Variants in PER1 observed in about 807,000 individuals in gnomAD.
PER1 encodes period circadian regulator 1, also known as period circadian protein homolog 1.
PER1 carries 87 observed loss-of-function variants against 125.9 expected under a neutral mutation model. That is an observed-to-expected ratio of 0.69 (90% CI 0.58 to 0.83). The LOEUF (loss-of-function observed/expected upper bound fraction) is 0.83, where lower values mean the gene tolerates loss of function less well. PER1 is among the 40% of genes least tolerant of loss of function. The pLI, the probability that PER1 is intolerant of heterozygous loss-of-function variation, is 0.00. For synonymous variants in PER1, 801 were observed against 714.7 expected, an observed-to-expected ratio of 1.12 and a Z score of -1.93; for missense variants, 1,775 against 1,722.8, an observed-to-expected ratio of 1.03 and a Z score of -0.54.
chr17:8,142,149 G>C, intron 21 of PER1, 120 bp downstream of exon 21: 1 of 1,115,714 alleles, frequency 9.0e-7, no homozygotes, highest in East Asian at 2.5e-5. Context: ...AGGGCTCCAA[G>C]GAGCAGGAAG....
intron 16 of PER1, 31 bp downstream of exon 16, chr17:8,146,331 CCAGGACGGGG>C: frequency 6.4e-7 from 1 of 1,567,698 alleles, no homozygotes; most frequent in Non-Finnish European, 8.7e-7. Flanking sequence ...GGCCACCAGG[CCAGGACGGGG>C]CAGTGGGAGC....
intron 17 of PER1, among the ~76,000 whole-genome samples, chr17:8,145,745 C>A (rs1012250313): frequency 6.6e-6 from 1 of 152,210 alleles, no homozygotes; most frequent in South Asian, 2.1e-4. Flanking sequence ...TGTGTTTCAA[C>A]TGACAGTAAC....
chr17:8,145,317 C>A, intron 17 of PER1: 1 of 167,738 alleles, frequency 6.0e-6, no homozygotes, highest in Non-Finnish European at 1.2e-5. Flanking sequence ...CACACATTTT[C>A]TTGTTTCTTT....
At position 8,149,313 on chromosome 17, in the gene PER1, G is replaced by A. The variant is rs773392681; in HGVS notation, c.854-3C>T. On this transcript the variant is annotated splice_region_variant and splice_polypyrimidine_tract_variant and intron_variant, in intron 6 of 22. Transcript: ENST00000317276. ...GGTAAAGTCCCTGAGGCCTGAACCT[G>A]GGACAGACAGGAGAGGAGTGAGCAC... 17 of 1,613,846 alleles carry A rather than the reference G, an allele frequency of 1.1e-5. No individual in the cohort carries two copies. The highest frequency in any genetic ancestry group is 1.4e-5 in the Non-Finnish European group (17 of 1,179,888).
chr17:8,144,587 G>C (rs1196756198), intron 18 of PER1, 164 bp downstream of exon 18: 1 of 908,748 alleles, frequency 1.1e-6, no homozygotes, highest in Non-Finnish European at 1.6e-6. Context: ...CCCCATCCTA[G>C]TGGGGAGAAG....
intron 15 of PER1, 32 bp downstream of exon 15, chr17:8,146,562 C>A: frequency 6.2e-7 from 1 of 1,601,764 alleles, no homozygotes; most frequent in South Asian, 1.1e-5. Flanking sequence ...GGGTTAGAGC[C>A]CGAGGTGGAG....
rs1261411398 is a variant in PER1, at chr17:8,141,347, G to T, written c.3601-7C>A. ...TCCCACAGTCCACACAGGCCTTGGT[G>T]AGAGAAATGGACATGAGAGAGTCAG... On this transcript the variant is annotated splice_region_variant and splice_polypyrimidine_tract_variant and intron_variant, in intron 22 of 22. Coordinates refer to ENST00000317276, the MANE Select transcript of PER1 (RefSeq NM_002616.3). The T allele has an allele frequency of 2.5e-6, 4 of 1,595,284 alleles. No individual in the cohort carries two copies. The African/African-American group carries it at 5.4e-5, about 21-fold the overall frequency.
chr17:8,147,066 C>T, intron 13 of PER1, 64 bp from the exon 14 acceptor site: 1 of 1,458,448 alleles, frequency 6.9e-7, no homozygotes, highest in South Asian at 1.2e-5. Flanking sequence ...GGGCCAAGGG[C>T]ACAATAAAAC....
rs372671656 is a variant in PER1 at position 8,150,008 on chromosome 17, C to T, written c.492G>A (p.Thr164=). 156 of 1,614,064 alleles carry T rather than the reference C, an allele frequency of 9.7e-5. No individual in the cohort carries two copies. Among genetic ancestry groups the T allele is most frequent in the Middle Eastern group, 4.9e-4 (3 of 6,084 alleles). ...RGKGRSGTLA[T]LQYALACVKQ... The stretch of plus-strand genomic sequence containing the variant: ...TGACACAGGCCAGTGCGTACTGCAG[C>T]GTGGCCAGGGTCCCAGAGCGGCCCT... The change falls in exon 4 of 23, where the codon ACG becomes ACA. Residue 164 remains threonine, a synonymous_variant. Coordinates refer to ENST00000317276, the MANE Select transcript of PER1 (RefSeq NM_002616.3).
At chr17:8,151,325 C>T (rs1982849674) in intron 1 of PER1, among the ~76,000 whole-genome samples, 1 of 152,246 alleles carries the variant, frequency 6.6e-6, no homozygotes, top group Admixed American at 6.5e-5. Context: ...GGGAAACCGA[C>T]GTCAGCTGCT....
chr17:8,143,199 G>C, intron 19 of PER1, 67 bp downstream of exon 19: 1 of 1,133,772 alleles, frequency 8.8e-7, no homozygotes, highest in Non-Finnish European at 1.2e-6. Context: ...ACAGCAGGCA[G>C]CACAGGGTGG....
rs1483853353 is a variant in PER1, at chr17:8,150,811, C to T, written c.-105G>A. ...AGGGAGTGAGGTGGAAGATCTAAGT[C>T]TCTGAGGGTTGAGAAGTTCGATCAC... is the stretch of plus-strand genomic sequence containing the variant. On this transcript the variant is annotated 5_prime_UTR_variant, in exon 2 of 23. Coordinates refer to ENST00000317276, the MANE Select transcript of PER1 (RefSeq NM_002616.3). 2.7e-6 allele frequency: 3 copies of T among 1,113,650 alleles called. No individual in the cohort carries two copies. Among genetic ancestry groups the T allele is most frequent in the East Asian group, 4.9e-5 (2 of 40,638 alleles). The allele number at this position is 1,113,650 out of a possible 1,614,324, so 69.0% of individuals were successfully genotyped here. A position where few individuals can be genotyped will look rare whatever the true frequency, so the allele number is the denominator to read the frequency against.
At chr17:8,145,324 C>CTTTTTTTTTTTTTTTTT (rs398030276) in intron 17 of PER1, among the ~76,000 whole-genome samples, 1 of 125,518 alleles carries the variant, frequency 8.0e-6, no homozygotes, top group Non-Finnish European at 1.6e-5. Flanking sequence ...TTTCTTGTTT[C>CTTTTTTTTTTTTTTTTT]TTTTTTTTTT....
chr17:8,146,215 A>G, intron 16 of PER1, 78 bp from the exon 17 acceptor site: 1 of 1,534,666 alleles, frequency 6.5e-7, no homozygotes, highest in South Asian at 1.3e-5. Context: ...GGAAAAGGGG[A>G]AGGGGATGGT....
At position 8,149,786 on chromosome 17, in the gene PER1, T is replaced by C; in HGVS notation, c.620A>G (p.His207Arg). The C allele has an allele frequency of 6.2e-7, 1 of 1,613,448 alleles. No individual in the cohort carries two copies. ...CTGAAGTGTGTACTCAGACGTGATG[T>C]GCTCCAGCTCCTCCAGGGTATAGGT... ...MSTYTLEELE[H>R]ITSEYTLQNQ... Residue 207 changes from histidine to arginine, a missense_variant, in exon 5 of 23, where the codon CAC (histidine) becomes CGC (arginine). Transcript: ENST00000317276.
intron 21 of PER1, 122 bp from the exon 22 acceptor site, chr17:8,142,077 T>C: frequency 7.4e-7 from 1 of 1,360,220 alleles, no homozygotes; most frequent in Non-Finnish European, 1.0e-6. Flanking sequence ...AAACTAGTGC[T>C]ATGCGAGGTC....
Position 8,144,776 on chromosome 17 carries a change from T to C in PER1, c.2436A>G (p.Thr812=), listed in dbSNP as rs375053613. ...CTCGCTCGCCAAGGGCTGAGGGAGC[T>C]GTGGAAGAGCTGTCGAGTCCACGCA... The part of the protein sequence containing the change: ...GRLRGLDSSS[T]APSALGERGC... The change falls in exon 18 of 23, where the codon ACA becomes ACG. Residue 812 remains threonine (T), a synonymous_variant. Coordinates refer to ENST00000317276, the MANE Select transcript of PER1 (RefSeq NM_002616.3). The C allele has an allele frequency of 1.9e-6, 3 of 1,580,326 alleles. No homozygotes were observed. The highest frequency in any genetic ancestry group is 2.3e-5 in the South Asian group (2 of 86,332).
intron 1 of PER1, 94 bp from the exon 2 acceptor site, chr17:8,150,939 T>C: frequency 2.0e-6 from 1 of 508,586 alleles, no homozygotes; most frequent in Non-Finnish European, 3.5e-6. Context: ...CTGCCTGGCC[T>C]CCTGCAGGAC....
In PER1 at chr17:8,148,060, C is replaced by T; in HGVS notation, c.1171G>A (p.Ala391Thr). 6.2e-7 allele frequency: 1 copy of T among 1,612,218 alleles called. No individual in the cohort carries two copies. Among genetic ancestry groups the T allele is most frequent in the Non-Finnish European group, 8.5e-7 (1 of 1,179,288 alleles). Residue 391 changes from alanine to threonine, a missense_variant, in exon 10 of 23, where the codon GCC becomes ACC. Physicochemically the swap from Ala to Thr is moderately conservative, Grantham distance 58 (BLOSUM62 0). Coordinates refer to ENST00000317276, the MANE Select transcript of PER1 (RefSeq NM_002616.3). ...LGYLPQDLLG[A>T]PVLLFLHPED... ...GGATGCAGGAACAGGAGCACTGGGG[C>T]CCCCAGGAGGTCCTGGGGCAGGTAG...
Sources: allele counts gnomAD v4.1 joint callset (sites outside exome capture counted in the v4.1 genomes callset), GRCh38; gene constraint gnomAD v4.1.1; transcripts MANE v1.5; gene names NCBI Gene and HGNC (gene_info 2026-07-23, HGNC 2026-07-21).